Variants in SEMA3D observed in about 807,000 individuals in gnomAD.
The protein encoded by SEMA3D is semaphorin 3D, also known as semaphorin-3D.
Under a neutral mutation model 100.1 loss-of-function variants are expected in SEMA3D, and 84 were observed. The observed-to-expected ratio is 0.84, with a 90% CI of 0.70 to 1.01. The LOEUF (loss-of-function observed/expected upper bound fraction) is 1.01. SEMA3D is among the 50% of genes least tolerant of loss of function. SEMA3D has a pLI of 0.00. For synonymous variants in SEMA3D, 312 were observed against 320.7 expected (o/e 0.97, Z 0.29); for missense variants, 875 against 934.1 (o/e 0.94, Z 0.82).
At chr7:85,068,010 G>T (rs548352246) in intron 7 of SEMA3D, among the ~76,000 whole-genome samples, 181 bp downstream of exon 7, 80 of 152,254 alleles carry the variant, frequency 5.3e-4, no homozygotes, top group Admixed American at 3.5e-3. Context: ...GATTGCTGTG[G>T]CCTTCCTTTA....
chr7:85,124,258 T>C (rs1789507511), intron 2 of SEMA3D, among the ~76,000 whole-genome samples: 1 of 152,002 alleles, frequency 6.6e-6, no homozygotes, highest in Non-Finnish European at 1.5e-5. Flanking sequence ...TTAGTTAGAA[T>C]ACCAGTATTC....
intron 13 of SEMA3D, among the ~76,000 whole-genome samples, chr7:85,021,385 C>A (rs975192227): frequency 6.6e-5 from 10 of 151,684 alleles, no homozygotes; most frequent in Admixed American, 5.9e-4. Flanking sequence ...TTAATAGCAA[C>A]TAATTAATTC....
chr7:84,998,805 A>G lies in SEMA3D; in HGVS notation c.*635T>C, dbSNP rs1218210140. Reference sequence around the variant, plus strand: ...AACCTGTTACTCCTGACTAGTCAATAGAAATCCTGGGGGAAACATTAGTGC... The same window carrying G: ...AACCTGTTACTCCTGACTAGTCAATGGAAATCCTGGGGGAAACATTAGTGC... On this transcript the variant is annotated 3_prime_UTR_variant, in exon 19 of 19. Transcript: ENST00000284136. 6.6e-6 allele frequency: 1 copy of G among 152,588 alleles called. No homozygotes were observed. The highest frequency in any genetic ancestry group is 1.5e-5 in the Non-Finnish European group (1 of 68,382). 9.5% of individuals were successfully genotyped at this position (152,588 alleles called of 1,614,324 possible).
At chr7:85,029,434 G>A in intron 12 of SEMA3D, 1 of 772,090 alleles carries the variant, frequency 1.3e-6, no homozygotes, top group Non-Finnish European at 2.3e-6. Context: ...GAAACTTCAA[G>A]TCAAGATTAA....
chr7:85,179,686 G>C (rs2116571492), intron 1 of SEMA3D, among the ~76,000 whole-genome samples: 1 of 147,726 alleles, frequency 6.8e-6, no homozygotes, highest in South Asian at 2.1e-4. Flanking sequence ...TTTTGAGACG[G>C]AATCTCGCTC....
At chr7:85,031,684 T>G (rs1279058007) in intron 12 of SEMA3D, among the ~76,000 whole-genome samples, 1 of 151,974 alleles carries the variant, frequency 6.6e-6, no homozygotes, top group Non-Finnish European at 1.5e-5. Flanking sequence ...CTGGGCTTGT[T>G]TCTTATCTAT....
Position 85,046,017 on chromosome 7 carries a change from G to A in SEMA3D, c.862-3732C>T, listed in dbSNP as rs1325798092. On this transcript the variant is annotated intron_variant, in intron 9 of 18. Coordinates refer to ENST00000284136, the MANE Select transcript of SEMA3D (RefSeq NM_001384900.1). ...ATCAGCAGTGAATACTAAAAATAAT[G>A]TTGATTCAATAAATATAAACAAACA... is the stretch of plus-strand genomic sequence containing the variant. 4.6e-5 allele frequency among the ~76,000 whole-genome samples: 7 copies of A among 151,788 alleles called. No individual in the cohort carries two copies. In the East Asian group the frequency reaches 1.4e-3, roughly 29 times the overall value.
intron 10 of SEMA3D, 54 bp downstream of exon 10, chr7:85,042,117 T>C (rs1319589679): frequency 5.9e-6 from 7 of 1,190,876 alleles, no homozygotes; most frequent in Middle Eastern, 1.9e-4. Context: ...AAATGCCAAG[T>C]TACTTAATTA....
At chr7:85,088,290 A>G (rs1311434150) in intron 4 of SEMA3D, among the ~76,000 whole-genome samples, 2 of 152,308 alleles carry the variant, frequency 1.3e-5, no homozygotes, top group East Asian at 3.9e-4. Flanking sequence ...AATTCTAATT[A>G]TATCTGCTCT....
intron 8 of SEMA3D, among the ~76,000 whole-genome samples, chr7:85,062,912 A>G (rs1791516061): frequency 6.6e-6 from 1 of 151,926 alleles, no homozygotes; most frequent in African/African-American, 2.4e-5. Context: ...AGAGGGAGAG[A>G]ATGAAAAGGC....
intron 8 of SEMA3D, among the ~76,000 whole-genome samples, chr7:85,062,706 T>A (rs1791510242): frequency 6.6e-6 from 1 of 152,194 alleles, no homozygotes; most frequent in Non-Finnish European, 1.5e-5. Context: ...AACTAAGGCT[T>A]ACATATCTTG....
intron 12 of SEMA3D, among the ~76,000 whole-genome samples, chr7:85,030,015 T>C (rs1484508292): frequency 6.6e-6 from 1 of 152,002 alleles, no homozygotes; most frequent in Non-Finnish European, 1.5e-5. Flanking sequence ...AAAATGAGCA[T>C]TTATTTAATG....
chr7:85,204,935 G>GA, the SEMA3D span, among the ~76,000 whole-genome samples: 10 of 151,958 alleles, frequency 6.6e-5, no homozygotes, highest in Non-Finnish European at 1.0e-4. Context: ...AGGAGCTAGA[G>GA]AAAAAATTAA....
rs1401602918 is a variant in SEMA3D at position 84,999,391 on chromosome 7, G to C, written c.*49C>G. On this transcript the variant is annotated 3_prime_UTR_variant, in exon 19 of 19. Transcript: ENST00000284136. ...CTATAAGGGATATACAAAACAGAAGGCAATGTTTTTATAGGTAAGGAATTC... is the reference window on the plus strand; with the variant it reads ...CTATAAGGGATATACAAAACAGAAGCCAATGTTTTTATAGGTAAGGAATTC... 1 of 1,441,628 alleles carries C rather than the reference G, an allele frequency of 6.9e-7. No individual in the cohort carries two copies. The highest frequency in any genetic ancestry group is 9.7e-7 in the Non-Finnish European group (1 of 1,036,144). 89.3% of individuals were successfully genotyped at this position (1,441,628 alleles called of 1,614,324 possible). A position where few individuals can be genotyped will look rare whatever the true frequency, so the allele number is the denominator to read the frequency against.
chr7:85,141,806 A>G, intron 2 of SEMA3D: 1 of 751,544 alleles, frequency 1.3e-6, no homozygotes, highest in Non-Finnish European at 1.6e-6. Context: ...CGGTCAGTGT[A>G]ACCCCTACTA....
In SEMA3D at chr7:84,997,173, A is replaced by G. The variant is rs975510970; in HGVS notation, c.*2267T>C. 1.3e-5 allele frequency: 2 copies of G among 152,080 alleles called. No homozygotes were observed. Among genetic ancestry groups the G allele is most frequent in the Non-Finnish European group, 2.9e-5 (2 of 67,938 alleles). The allele number at this position is 152,080 out of a possible 1,614,324, so 9.4% of individuals were successfully genotyped here. On this transcript the variant is annotated 3_prime_UTR_variant, in exon 19 of 19. Coordinates refer to ENST00000284136, the MANE Select transcript of SEMA3D (RefSeq NM_001384900.1). ...TAGGATTAGAAAGAAGTAACTAAAA[A>G]ATGGTTTGGACATTCAAATTTGGAT...
the SEMA3D span, among the ~76,000 whole-genome samples, chr7:85,222,303 G>GA: frequency 1.1e-4 from 16 of 150,460 alleles, no homozygotes; most frequent in Admixed American, 6.6e-5. Context: ...AAATTAACAT[G>GA]AAAAAAAAAT....
chr7:85,094,558 A>G (rs1337565037), intron 4 of SEMA3D, among the ~76,000 whole-genome samples: 1 of 151,862 alleles, frequency 6.6e-6, no homozygotes, highest in East Asian at 1.9e-4. Flanking sequence ...TTCCAAGAAC[A>G]CTCACTTATG....
chr7:85,030,975 T>G (rs1461494588), intron 12 of SEMA3D, among the ~76,000 whole-genome samples: 1 of 152,048 alleles, frequency 6.6e-6, no homozygotes, highest in Non-Finnish European at 1.5e-5. Flanking sequence ...AAAATATGGC[T>G]TGTTCAAATA....
Sources: gnomAD v4.1 joint callset for allele counts (sites outside exome capture counted in the v4.1 genomes callset) on GRCh38, gnomAD v4.1.1 for gene constraint, MANE v1.5 for transcripts, NCBI Gene and HGNC (gene_info 2026-07-23, HGNC 2026-07-21) for gene names.